The following UACA variants were observed in gnomAD, a reference collection of about 807,000 sequenced individuals.
The protein encoded by UACA is nuclear membrane binding protein.
A neutral mutation model predicts 160.5 loss-of-function variants in UACA; 112 were observed. That is an observed-to-expected ratio of 0.70 (90% CI 0.60 to 0.82). The LOEUF is 0.82. Among genes scored for constraint, UACA ranks in the 40% least tolerant of loss-of-function variants. The probability of loss-of-function intolerance (pLI) is 0.00; values close to 1 mark genes in which losing one functional copy is unlikely to be tolerated. For synonymous variants in UACA, 557 were observed against 568.4 expected (o/e 0.98, Z 0.29); for missense variants, 1,574 against 1,614.6 (o/e 0.97, Z 0.43).
chr15:70,751,153 C>T (rs2030028921), intron 1 of UACA, among the ~76,000 whole-genome samples: 1 of 152,176 alleles, frequency 6.6e-6, no homozygotes, highest in Non-Finnish European at 1.5e-5. Flanking sequence ...AGTCCTCTAT[C>T]ACAGCACTTA....
intron 4 of UACA, among the ~76,000 whole-genome samples, chr15:70,690,735 T>C (rs1897905245): frequency 6.6e-6 from 1 of 152,140 alleles, no homozygotes; most frequent in African/African-American, 2.4e-5. Flanking sequence ...TGGTACATTA[T>C]AATGAATGGC....
chr15:70,740,183 TA>T (rs1385640570), intron 1 of UACA, among the ~76,000 whole-genome samples: 3 of 148,406 alleles, frequency 2.0e-5, no homozygotes, highest in African/African-American at 7.3e-5. Flanking sequence ...ACATAAGAAA[TA>T]CTGTGAATCT....
chr15:70,742,930 A>C (rs1899583338), intron 1 of UACA, among the ~76,000 whole-genome samples: 2 of 152,184 alleles, frequency 1.3e-5, no homozygotes, highest in Admixed American at 6.5e-5. Context: ...GTTTAGGTGG[A>C]GCTGACTGGG....
chr15:70,761,279 G>A (rs774136896), intron 1 of UACA, among the ~76,000 whole-genome samples: 1 of 152,148 alleles, frequency 6.6e-6, no homozygotes, highest in Non-Finnish European at 1.5e-5. Context: ...GGGGCAGGGT[G>A]GCTGAAGCAG....
At chr15:70,753,586 C>A (rs115050215) in intron 1 of UACA, among the ~76,000 whole-genome samples, 1,646 of 152,272 alleles carry the variant, frequency 0.011, 27 homozygotes, top group African/African-American at 0.038. Flanking sequence ...ATTTAACTTG[C>A]ATCTGAAATG....
chr15:70,763,569 C>T (rs1595932234), upstream of UACA: 2 of 1,227,828 alleles, frequency 1.6e-6, no homozygotes, highest in African/African-American at 1.6e-5. Context: ...AGGCCTGAGG[C>T]GGGGCTCCCC....
intron 18 of UACA, among the ~76,000 whole-genome samples, chr15:70,659,396 T>TTTG (rs1896609625): frequency 1.7e-5 from 1 of 57,298 alleles, no homozygotes; most frequent in Non-Finnish European, 3.3e-5. Context: ...TTTTTGTTTG[T>TTTG]TTTTTTTTTT....
intron 1 of UACA, among the ~76,000 whole-genome samples, chr15:70,744,821 A>ACTCAGGAT (rs147303494): frequency 6.6e-6 from 1 of 151,904 alleles, no homozygotes; most frequent in African/African-American, 2.4e-5. Context: ...CAGCAAAATT[A>ACTCAGGAT]GTCAGGATTC....
Position 70,668,496 on chromosome 15 carries a change from TGAG to T in UACA, c.2185_2187del (p.Leu729del). ...ATTGTTAAGTTATGTGCTTGCTCCT[TGAG>T]GAGCTTATTATCCAAATAAACTTTT... On this transcript the variant is annotated inframe_deletion, in exon 16 of 19. Transcript: ENST00000322954. 1 of 1,611,728 alleles carries T rather than the reference TGAG, an allele frequency of 6.2e-7. No individual in the cohort carries two copies. The highest frequency in any genetic ancestry group is 8.5e-7 in the Non-Finnish European group (1 of 1,179,676).
chr15:70,676,477 T>C lies in UACA; in HGVS notation c.1131+16A>G. 1.3e-6 allele frequency: 2 copies of C among 1,545,186 alleles called. No individual in the cohort carries two copies. Among genetic ancestry groups the C allele is most frequent in the Non-Finnish European group, 1.8e-6 (2 of 1,121,980 alleles). ...ACCCATTATGAATTACAGGAAATAA[T>C]TTATCCTTTCTATACCTCAAAATAT... On this transcript the variant is annotated intron_variant, in intron 13 of 18. Coordinates refer to ENST00000322954, the MANE Select transcript of UACA (RefSeq NM_018003.4).
At chr15:70,735,982 A>G (rs1030063437) in intron 1 of UACA, among the ~76,000 whole-genome samples, 1 of 152,192 alleles carries the variant, frequency 6.6e-6, no homozygotes, top group African/African-American at 2.4e-5. Context: ...AGCTGAAAAC[A>G]AAGATTTTTA....
chr15:70,729,690 C>T (rs1899258211), intron 1 of UACA, among the ~76,000 whole-genome samples: 1 of 142,550 alleles, frequency 7.0e-6, no homozygotes, highest in East Asian at 2.0e-4. Context: ...GGAACAGCTC[C>T]GGTCTACAGC....
chr15:70,742,871 G>A (rs1899581198), intron 1 of UACA, among the ~76,000 whole-genome samples: 1 of 152,112 alleles, frequency 6.6e-6, no homozygotes, highest in African/African-American at 2.4e-5. Flanking sequence ...CCAACTTAGA[G>A]GCTAAAAAAC....
At chr15:70,682,657 C>A in intron 9 of UACA, 101 bp downstream of exon 9, 2 of 603,438 alleles carry the variant, frequency 3.3e-6, no homozygotes, top group Non-Finnish European at 2.6e-6. Context: ...AGATAGAACG[C>A]ATTTAAACTC....
the UACA span, among the ~76,000 whole-genome samples, chr15:70,775,332 A>G: frequency 3.3e-5 from 5 of 152,172 alleles, no homozygotes; most frequent in South Asian, 2.1e-4. Flanking sequence ...TTGAAAATCT[A>G]CCAGTCAGCT....
rs1896929243 is a variant in UACA, at chr15:70,666,912, A to G, written c.3772T>C (p.Cys1258Arg). Residue 1258 changes from cysteine to arginine, a missense_variant, in exon 16 of 19, where the codon TGT (cysteine) becomes CGT (arginine). Cys to Arg is a radical substitution (Grantham distance 180). Coordinates refer to ENST00000322954, the MANE Select transcript of UACA (RefSeq NM_018003.4). ...ANLNRKYEEV[C>R]EEVLHAKKKE... ...TTTTTGGCATGCAAAACTTCCTCAC[A>G]TACTTCCTCATACTTTCTATTCAGA... 2 of 1,612,748 alleles carry G rather than the reference A, an allele frequency of 1.2e-6. No individual in the cohort carries two copies. Among genetic ancestry groups the G allele is most frequent in the Non-Finnish European group, 1.7e-6 (2 of 1,179,780 alleles).
intron 5 of UACA, among the ~76,000 whole-genome samples, chr15:70,690,171 T>TCA (rs113784036): frequency 1.4e-3 from 209 of 149,726 alleles, no homozygotes; most frequent in East Asian, 2.7e-3. Flanking sequence ...TCTCTCTCTC[T>TCA]CACACACACA....
At chr15:70,762,792 G>C (rs750426887) in intron 1 of UACA, among the ~76,000 whole-genome samples, 2 of 152,238 alleles carry the variant, frequency 1.3e-5, no homozygotes, top group African/African-American at 4.8e-5. Context: ...CGGCCAGCAC[G>C]GGACGTCCAC....
rs1377684511 is a variant in UACA, at chr15:70,655,279, G to A, written c.*1777C>T. ...GAGTCTTGCTATTGCCCAAGCTGGA[G>A]TGCAGTGGCGAGATCTTGGCTCACT... On this transcript the variant is annotated 3_prime_UTR_variant, in exon 19 of 19. Coordinates refer to ENST00000322954, the MANE Select transcript of UACA (RefSeq NM_018003.4). The A allele has an allele frequency of 6.6e-6, 1 of 152,236 alleles. No individual in the cohort carries two copies. The highest frequency in any genetic ancestry group is 2.4e-5 in the African/African-American group (1 of 41,432). The allele number at this position is 152,236 out of a possible 1,614,324, so 9.4% of individuals were successfully genotyped here.
Sources: gnomAD v4.1 joint callset for allele counts (sites outside exome capture counted in the v4.1 genomes callset) on GRCh38, gnomAD v4.1.1 for gene constraint, MANE v1.5 for transcripts, NCBI Gene and HGNC (gene_info 2026-07-23, HGNC 2026-07-21) for gene names.